Variants in CEP70 observed in about 807,000 individuals in gnomAD.
CEP70 encodes the protein centrosomal protein of 70 kDa.
Under a neutral mutation model 90.9 loss-of-function variants are expected in CEP70, and 70 were observed. The ratio of observed to expected loss-of-function variants is 0.77; its 90% CI spans 0.64 to 0.94. The LOEUF (loss-of-function observed/expected upper bound fraction) is 0.94. CEP70 is among the 40% of genes least tolerant of loss of function. CEP70 has a pLI of 0.00. For missense variants in CEP70, 648 were observed against 669.0 expected, an observed-to-expected ratio of 0.97 and a Z score of 0.35; for synonymous variants, 220 against 228.3, an observed-to-expected ratio of 0.96 and a Z score of 0.33.
intron 11 of CEP70, among the ~76,000 whole-genome samples, chr3:138,518,145 G>A (rs750144531): frequency 5.9e-5 from 9 of 152,220 alleles, no homozygotes; most frequent in South Asian, 2.1e-4. Context: ...AGGGGCGCCC[G>A]ACATTGCTGA....
chr3:138,539,561 A>G (rs1375640799), intron 6 of CEP70, among the ~76,000 whole-genome samples: 3 of 152,232 alleles, frequency 2.0e-5, no homozygotes, highest in Admixed American at 2.0e-4. Context: ...GAGGCTTTTA[A>G]TAGCAGACTG....
At chr3:138,567,689 C>T (rs994139019) in intron 6 of CEP70, among the ~76,000 whole-genome samples, 1 of 152,160 alleles carries the variant, frequency 6.6e-6, no homozygotes, top group African/African-American at 2.4e-5. Flanking sequence ...AGTCCTTTTC[C>T]TTTGTCTTGC....
intron 11 of CEP70, among the ~76,000 whole-genome samples, chr3:138,519,604 A>C (rs529077265): frequency 6.6e-6 from 1 of 152,198 alleles, no homozygotes; most frequent in Non-Finnish European, 1.5e-5. Flanking sequence ...TGAAGGAGAA[A>C]TAAAATCCTT....
At position 138,495,046 on chromosome 3, in the gene CEP70, G is replaced by T; in HGVS notation, c.1763C>A (p.Ala588Glu). ...TGAAAGTACTTTTAATTTCTTTACT[G>T]CAGGTACAATGGCATCCAAGTCATC... ...EIDDLDAIVP[A>E]VKKLKVLSY Residue 588 changes from alanine (A) to glutamate (E), a missense_variant, in exon 18 of 18, where the codon GCA (alanine) becomes GAA (glutamate). Transcript: ENST00000264982. 2 of 1,551,090 alleles carry T rather than the reference G, an allele frequency of 1.3e-6. No homozygotes were observed. The highest frequency in any genetic ancestry group is 1.4e-5 in the African/African-American group (1 of 73,466).
chr3:138,577,678 A>G (rs2041626443), intron 2 of CEP70, among the ~76,000 whole-genome samples: 1 of 152,064 alleles, frequency 6.6e-6, no homozygotes, highest in African/African-American at 2.4e-5. Context: ...TAAAAACCCA[A>G]AAGAAGAGAA....
chr3:138,535,822 CT>C (rs1428696720), intron 7 of CEP70, among the ~76,000 whole-genome samples: 1 of 152,036 alleles, frequency 6.6e-6, no homozygotes, highest in Non-Finnish European at 1.5e-5. Context: ...GTAGTTCTCT[CT>C]CCCTCACCTC....
At chr3:138,520,463 T>C (rs9871665) in intron 11 of CEP70, among the ~76,000 whole-genome samples, 82,632 of 151,840 alleles carry the variant, frequency 0.54, 24,057 homozygotes, top group African/African-American at 0.76. Flanking sequence ...TGTAAAAGAA[T>C]AGAAATTATA....
intron 11 of CEP70, among the ~76,000 whole-genome samples, chr3:138,518,340 CT>C (rs2036259379): frequency 6.6e-6 from 1 of 152,188 alleles, no homozygotes; most frequent in Admixed American, 6.5e-5. Context: ...AGTAGTGGTT[CT>C]CCCAGCTCGC....
Position 138,517,578 on chromosome 3 carries a change from A to G in CEP70, c.944+7912T>C, listed in dbSNP as rs928947895. On this transcript the variant is annotated intron_variant, in intron 11 of 17. Coordinates refer to ENST00000264982, the MANE Select transcript of CEP70 (RefSeq NM_024491.4). ...TAGCTACTTGGGAGGCTGAGGCAGG[A>G]GAATGGCGTGAGCCCAGGAGGCAGA... is the stretch of plus-strand genomic sequence containing the variant. Among the ~76,000 whole-genome samples the G allele has an allele frequency of 4.6e-5, 7 of 152,328 alleles. No individual in the cohort carries two copies. The East Asian group carries it at 1.2e-3, about 25-fold the overall frequency.
chr3:138,559,164 G>T (rs1041509267), intron 6 of CEP70, among the ~76,000 whole-genome samples: 2 of 151,944 alleles, frequency 1.3e-5, no homozygotes, highest in African/African-American at 4.8e-5. Flanking sequence ...ATAACCGAAA[G>T]AAAATATCCA....
intron 17 of CEP70, 48 bp from the exon 18 acceptor site, chr3:138,495,124 G>A: frequency 8.8e-7 from 1 of 1,132,950 alleles, no homozygotes; most frequent in Non-Finnish European, 1.3e-6. Flanking sequence ...TTTTTCTAGT[G>A]GTAAACTCAC....
At chr3:138,593,190 C>T (rs939484815) in intron 1 of CEP70, 1 of 152,172 alleles carries the variant, frequency 6.6e-6, no homozygotes, top group African/African-American at 2.4e-5. Context: ...AGGCTTGAAA[C>T]CAATATGGGT....
chr3:138,508,782 G>A lies in CEP70; in HGVS notation c.945-238C>T, dbSNP rs1050162005. Among the ~76,000 whole-genome samples, 5 of 151,054 alleles carry A rather than the reference G, an allele frequency of 3.3e-5. No individual in the cohort carries two copies. In the South Asian group the frequency reaches 6.4e-4, roughly 19 times the overall value. On this transcript the variant is annotated intron_variant, in intron 11 of 17. Transcript: ENST00000264982. ...AGAATCTCGCTCTATCACCCAGGCT[G>A]GAGTGCAGTGGCGCAATCTCGGCTC... is the stretch of plus-strand genomic sequence containing the variant.
At chr3:138,592,037 G>A in intron 1 of CEP70, 81 bp from the exon 2 acceptor site, 1 of 563,426 alleles carries the variant, frequency 1.8e-6, no homozygotes. Flanking sequence ...TACTCCCAGA[G>A]CAGGCATCCA....
At chr3:138,499,631 G>A (rs908077533) in intron 16 of CEP70, among the ~76,000 whole-genome samples, 45 of 152,074 alleles carry the variant, frequency 3.0e-4, no homozygotes, top group Non-Finnish European at 3.1e-4. Context: ...AGATTGTCAA[G>A]TTACTTAAAA....
intron 13 of CEP70, 102 bp downstream of exon 13, chr3:138,505,193 A>T (rs1226372153): frequency 1.0e-6 from 1 of 960,070 alleles, no homozygotes; most frequent in Non-Finnish European, 1.4e-6. Context: ...CAAACAAAAA[A>T]ATTAAACCCT....
chr3:138,586,173 T>C (rs982653897), intron 2 of CEP70, among the ~76,000 whole-genome samples: 10 of 152,104 alleles, frequency 6.6e-5, no homozygotes, highest in African/African-American at 2.4e-4. Context: ...GAAACAACTT[T>C]TTTTTTTTGA....
intron 2 of CEP70, among the ~76,000 whole-genome samples, chr3:138,581,057 G>A (rs1053082823): frequency 6.6e-6 from 1 of 152,080 alleles, no homozygotes; most frequent in African/African-American, 2.4e-5. Context: ...GGCCAAGGCA[G>A]GTGGATCACC....
At position 138,498,049 on chromosome 3, in the gene CEP70, C is replaced by A. The variant is rs763578313; in HGVS notation, c.1714G>T (p.Asp572Tyr). The A allele has an allele frequency of 1.4e-5, 22 of 1,612,986 alleles. No homozygotes were observed. The highest frequency in any genetic ancestry group is 1.9e-5 in the Non-Finnish European group (22 of 1,179,500). ...FFPAFQAFTN[D>Y]LLEILEIDDL... ...ATCTTACCTAAGATTTCAAGTAGAT[C>A]ATTAGTAAATGCCTGAAATGCTGGG... The change falls in exon 17 of 18, where the codon GAT (aspartate) becomes TAT (tyrosine). Residue 572 changes from aspartate (D) to tyrosine (Y), a missense_variant. Physicochemically the swap from Asp to Tyr is radical, Grantham distance 160. Transcript: ENST00000264982.
Sources: gnomAD v4.1 joint callset for allele counts (sites outside exome capture counted in the v4.1 genomes callset) on GRCh38, gnomAD v4.1.1 for gene constraint, MANE v1.5 for transcripts, NCBI Gene and HGNC (gene_info 2026-07-23, HGNC 2026-07-21) for gene names.